The following CDH12 variants were observed in gnomAD, a reference collection of about 807,000 sequenced individuals.
CDH12 encodes the protein cadherin-12.
Under a neutral mutation model 74.1 loss-of-function variants are expected in CDH12, and 41 were observed. That is an observed-to-expected ratio of 0.55 (90% CI 0.43 to 0.72). The LOEUF (loss-of-function observed/expected upper bound fraction) is 0.72, where lower values mean the gene tolerates loss of function less well. Among genes scored for constraint, CDH12 ranks in the 30% least tolerant of loss-of-function variants. The pLI, the probability that CDH12 is intolerant of heterozygous loss-of-function variation, is 0.00. For missense variants in CDH12, 945 were observed against 977.2 expected (o/e 0.97, Z 0.44); for synonymous variants, 399 against 355.0 (o/e 1.12, Z -1.39).
At chr5:21,854,123 T>C (rs1375122343) in intron 7 of CDH12, among the ~76,000 whole-genome samples, 5 of 151,736 alleles carry the variant, frequency 3.3e-5, no homozygotes, top group African/African-American at 7.2e-5. Context: ...TGAAAACTGC[T>C]ATTTTTCAAT....
At chr5:22,510,269 A>G (rs897237395) in intron 1 of CDH12, among the ~76,000 whole-genome samples, 3 of 152,152 alleles carry the variant, frequency 2.0e-5, no homozygotes, top group East Asian at 3.9e-4. Context: ...TGGGCCACCC[A>G]TAGCTAATCC....
intron 1 of CDH12, among the ~76,000 whole-genome samples, chr5:22,551,812 T>A (rs1017471764): frequency 1.3e-5 from 2 of 152,176 alleles, no homozygotes; most frequent in African/African-American, 2.4e-5. Context: ...TAGCAATCCA[T>A]TTGAGGTCAA....
At chr5:22,321,848 T>G (rs1738898422) in intron 3 of CDH12, among the ~76,000 whole-genome samples, 1 of 152,070 alleles carries the variant, frequency 6.6e-6, no homozygotes, top group Admixed American at 6.5e-5. Flanking sequence ...AATTATTGGT[T>G]AAGTCCAGAA....
intron 1 of CDH12, among the ~76,000 whole-genome samples, chr5:22,614,907 C>G (rs1737616797): frequency 6.6e-6 from 1 of 152,000 alleles, no homozygotes; most frequent in Admixed American, 6.6e-5. Context: ...AGACGGTTAC[C>G]AAGCAACTCA....
chr5:21,818,081 G>A (rs1748162163), intron 8 of CDH12, among the ~76,000 whole-genome samples: 1 of 151,894 alleles, frequency 6.6e-6, no homozygotes, highest in African/African-American at 2.4e-5. Context: ...ACAACAGTCT[G>A]TTCAAATTCA....
intron 3 of CDH12, among the ~76,000 whole-genome samples, chr5:22,219,754 T>C (rs1751946204): frequency 6.6e-6 from 1 of 151,666 alleles, no homozygotes; most frequent in Non-Finnish European, 1.5e-5. Context: ...CAAAGAGCAA[T>C]TATGAATCCT....
chr5:22,296,258 G>A, intron 3 of CDH12, among the ~76,000 whole-genome samples: 1 of 151,910 alleles, frequency 6.6e-6, no homozygotes. Flanking sequence ...AGACTACAGG[G>A]CACATGAACT....
intron 2 of CDH12, among the ~76,000 whole-genome samples, chr5:22,424,006 A>AC (rs1743778288): frequency 6.8e-6 from 1 of 147,408 alleles, no homozygotes; most frequent in Non-Finnish European, 1.5e-5. Context: ...CTGTCTCAAA[A>AC]AAAAAAAAAA....
intron 2 of CDH12, among the ~76,000 whole-genome samples, chr5:22,498,521 G>GA (rs1396660607): frequency 1.3e-5 from 2 of 151,946 alleles, no homozygotes; most frequent in Non-Finnish European, 1.5e-5. Context: ...TTATTAAGGA[G>GA]AAAAAATGAA....
intron 8 of CDH12, among the ~76,000 whole-genome samples, chr5:21,839,089 C>T (rs1040052689): frequency 6.6e-6 from 1 of 152,150 alleles, no homozygotes; most frequent in African/African-American, 2.4e-5. Flanking sequence ...CAAGCAGTCT[C>T]CCAATCTGTC....
intron 4 of CDH12, chr5:22,172,401 C>T (rs1749081584): frequency 1.3e-5 from 2 of 151,860 alleles, no homozygotes; most frequent in African/African-American, 4.8e-5. Context: ...AATTGACACA[C>T]ATCAGGATCT....
At chr5:22,675,597 A>G (rs1012271006) in intron 1 of CDH12, among the ~76,000 whole-genome samples, 11 of 151,992 alleles carry the variant, frequency 7.2e-5, no homozygotes, top group African/African-American at 2.4e-4. Flanking sequence ...TTGGGAAGGC[A>G]TAATTGGTTT....
chr5:22,390,571 TGGAG>T (rs1742198745), intron 3 of CDH12, among the ~76,000 whole-genome samples: 1 of 134,110 alleles, frequency 7.5e-6, no homozygotes, highest in East Asian at 2.1e-4. Context: ...CATGGATGGA[TGGAG>T]AGATAGATAG....
chr5:22,836,583 T>G (rs1257686003), intron 1 of CDH12, among the ~76,000 whole-genome samples: 1 of 152,020 alleles, frequency 6.6e-6, no homozygotes, highest in Non-Finnish European at 1.5e-5. Context: ...TCTTTCTACA[T>G]AACATGGACA....
At chr5:22,156,344 A>T (rs992514101) in intron 4 of CDH12, among the ~76,000 whole-genome samples, 2 of 152,174 alleles carry the variant, frequency 1.3e-5, no homozygotes, top group African/African-American at 4.8e-5. Flanking sequence ...AAAAAATATG[A>T]AAAGGAGAAT....
intron 5 of CDH12, among the ~76,000 whole-genome samples, chr5:21,976,485 T>C (rs1757077212): frequency 6.6e-6 from 1 of 150,526 alleles, no homozygotes; most frequent in Non-Finnish European, 1.5e-5. Context: ...TAGTGCATCA[T>C]ATATAATTTT....
chr5:21,995,316 G>A (rs1316505075), intron 5 of CDH12, among the ~76,000 whole-genome samples: 1 of 151,628 alleles, frequency 6.6e-6, no homozygotes, highest in Non-Finnish European at 1.5e-5. Flanking sequence ...CAGTATAGAG[G>A]ACAGAGCTTT....
Position 22,789,939 on chromosome 5 carries a change from C to G in CDH12, c.-523+63119G>C, listed in dbSNP as rs190813472. 3.1e-4 allele frequency among the ~76,000 whole-genome samples: 47 copies of G among 151,876 alleles called. 1 individual carries two copies. Among genetic ancestry groups the G allele is most frequent in the African/African-American group, 9.9e-4 (41 of 41,472 alleles). ...GGCTTCATTTAAATTACAGTAAAAT[C>G]TCAGACACAAAATTATCAAGGATTT... On this transcript the variant is annotated intron_variant, in intron 1 of 14. Transcript: ENST00000382254.
At chr5:22,678,896 A>G (rs536008877) in intron 1 of CDH12, among the ~76,000 whole-genome samples, 41 of 152,252 alleles carry the variant, frequency 2.7e-4, no homozygotes, top group African/African-American at 9.4e-4. Context: ...TTAGAGATCT[A>G]TATCTTTAAA....
Sources: gnomAD v4.1 joint callset for allele counts (sites outside exome capture counted in the v4.1 genomes callset) on GRCh38, gnomAD v4.1.1 for gene constraint, MANE v1.5 for transcripts, NCBI Gene and HGNC (gene_info 2026-07-23, HGNC 2026-07-21) for gene names.